MGRN1: variants seen among roughly 807,000 people sequenced by gnomAD.
MGRN1 encodes the protein E3 ubiquitin-protein ligase MGRN1.
In MGRN1, 29 loss-of-function variants were observed where a neutral mutation model predicts 69.2. The observed-to-expected ratio is 0.42, with a 90% CI of 0.31 to 0.57. MGRN1 has a LOEUF of 0.57. MGRN1 is among the 20% of genes least tolerant of loss of function. MGRN1 has a pLI of 0.15. For missense variants in MGRN1, 998 were observed against 796.2 expected, an observed-to-expected ratio of 1.25 and a Z score of -3.05; for synonymous variants, 470 against 344.2, an observed-to-expected ratio of 1.37 and a Z score of -4.04.
At chr16:4,681,300 T>G in intron 12 of MGRN1, 1 of 528,392 alleles carries the variant, frequency 1.9e-6, no homozygotes, top group Non-Finnish European at 3.4e-6. Flanking sequence ...GCTGGGGCGG[T>G]TCTTGGCAGA....
chr16:4,688,242 G>C lies in MGRN1; in HGVS notation c.1619-554G>C, dbSNP rs1217783481. ...CATTGCCCAAGCCCCAGGGACGCCA[G>C]ACCCATCTGGGGACAGCGCCCGGCG... is the stretch of plus-strand genomic sequence containing the variant. On this transcript the variant is annotated intron_variant, in intron 16 of 16. Transcript: ENST00000262370. 3.0e-6 allele frequency: 3 copies of C among 985,758 alleles called. No individual in the cohort carries two copies. The East Asian group carries it at 3.4e-4, about 112-fold the overall frequency. The allele number at this position is 985,758 out of a possible 1,614,324, so 61.1% of individuals were successfully genotyped here.
At chr16:4,640,757 A>G (rs1446781814) in intron 1 of MGRN1, 1 of 152,206 alleles carries the variant, frequency 6.6e-6, no homozygotes, top group East Asian at 1.9e-4. Flanking sequence ...AACAGTGCCC[A>G]TTGTCACTGG....
At chr16:4,642,987 ACT>A (rs1176759444) in intron 1 of MGRN1, among the ~76,000 whole-genome samples, 2 of 149,544 alleles carry the variant, frequency 1.3e-5, no homozygotes, top group Non-Finnish European at 3.0e-5. Flanking sequence ...AGACAGTCCC[ACT>A]CTGTCACCCA....
chr16:4,643,242 G>A (rs1007606296), intron 1 of MGRN1, among the ~76,000 whole-genome samples: 4 of 152,016 alleles, frequency 2.6e-5, no homozygotes, highest in East Asian at 1.9e-4. Flanking sequence ...TTATAGGCAC[G>A]AGCCACTGAG....
chr16:4,680,218 C>T (rs532254759), intron 12 of MGRN1, 121 bp downstream of exon 12: 3 of 990,610 alleles, frequency 3.0e-6, no homozygotes, highest in South Asian at 1.5e-5. Context: ...CCGTCAGCTC[C>T]ACTTGCCCAG....
chr16:4,632,380 C>T (rs1164515153), intron 1 of MGRN1, among the ~76,000 whole-genome samples: 4 of 151,372 alleles, frequency 2.6e-5, no homozygotes, highest in Non-Finnish European at 5.9e-5. Flanking sequence ...ACATCTAGTC[C>T]AGTGGTTTTT....
intron 8 of MGRN1, among the ~76,000 whole-genome samples, chr16:4,668,859 C>G (rs899934707): frequency 2.0e-5 from 3 of 152,054 alleles, no homozygotes; most frequent in Admixed American, 6.6e-5. Flanking sequence ...CACACATAAA[C>G]TCACATGTAT....
rs1022807838 is a variant in MGRN1 at position 4,625,042 on chromosome 16, A to C, written c.82A>C (p.Lys28Gln). Reference protein sequence around the residue: ...QANSAYRYPPKSGNYFASHFF... With the variant: ...QANSAYRYPPQSGNYFASHFF... ...GAACTCGGCCTATCGCTACCCTCCG[A>C]AGTCCGGTGAGCGCCCGGCCCCAGG... Residue 28 changes from lysine to glutamine, a missense_variant, in exon 1 of 17, where the codon AAG becomes CAG. By Grantham distance (53) the Lys-to-Gln change is moderately conservative. Transcript: ENST00000262370. The C allele has an allele frequency of 6.5e-7, 1 of 1,546,680 alleles. No homozygotes were observed. The highest frequency in any genetic ancestry group is 1.4e-5 in the African/African-American group (1 of 70,046).
intron 1 of MGRN1, 143 bp downstream of exon 1, chr16:4,625,191 A>G (rs1825689): frequency 0.77 from 583,202 of 752,934 alleles, 233,424 homozygotes; most frequent in East Asian, 0.91. Flanking sequence ...GCGCGGCCCC[A>G]CGGCCCCGAT....
At chr16:4,625,297 C>T (rs1218644053) in intron 1 of MGRN1, among the ~76,000 whole-genome samples, 1 of 152,224 alleles carries the variant, frequency 6.6e-6, no homozygotes, top group Non-Finnish European at 1.5e-5. Flanking sequence ...GTCCCTTCGC[C>T]CCGGGCACCT....
chr16:4,646,650 C>T (rs997551895), intron 1 of MGRN1, among the ~76,000 whole-genome samples: 1 of 152,204 alleles, frequency 6.6e-6, no homozygotes, highest in African/African-American at 2.4e-5. Flanking sequence ...CATGCAGTCT[C>T]TGTGGTCATC....
chr16:4,654,730 C>T (rs192058030), intron 4 of MGRN1, among the ~76,000 whole-genome samples: 10 of 152,206 alleles, frequency 6.6e-5, no homozygotes, highest in South Asian at 2.1e-4. Context: ...CAGCCCCTCG[C>T]GTGACAGGTG....
chr16:4,661,817 C>G (rs973365938), intron 5 of MGRN1, among the ~76,000 whole-genome samples: 23 of 152,248 alleles, frequency 1.5e-4, no homozygotes, highest in Admixed American at 1.5e-3. Context: ...TGGACTTGGT[C>G]TCCAGGCTTG....
At chr16:4,638,773 C>T (rs759756263) in intron 1 of MGRN1, among the ~76,000 whole-genome samples, 17 of 152,342 alleles carry the variant, frequency 1.1e-4, no homozygotes, top group Admixed American at 3.9e-4. Context: ...GGAGAATTTT[C>T]AGCAGGTGGA....
intron 6 of MGRN1, 109 bp from the exon 7 acceptor site, chr16:4,664,993 C>T: frequency 7.5e-7 from 1 of 1,334,234 alleles, no homozygotes; most frequent in African/African-American, 1.4e-5. Context: ...TCTATGGACT[C>T]TGTGCAGGCT....
At chr16:4,625,287 G>A (rs1027378609) in intron 1 of MGRN1, among the ~76,000 whole-genome samples, 2 of 152,222 alleles carry the variant, frequency 1.3e-5, no homozygotes, top group African/African-American at 4.8e-5. Flanking sequence ...CCTTGGGGCA[G>A]TCCCTTCGCC....
In MGRN1 at chr16:4,668,319, C is replaced by T. The variant is rs572288907; in HGVS notation, c.726+7C>T. 72 of 1,613,738 alleles carry T rather than the reference C, an allele frequency of 4.5e-5. 1 individual carries two copies. In the South Asian group the frequency reaches 7.7e-4, roughly 17 times the overall value. On this transcript the variant is annotated splice_region_variant and intron_variant, in intron 8 of 16. Transcript: ENST00000262370. ...TTTAAAGCAGAAGCAAATTGTAAGTCATCAGAGGAAATATGACGTGCTTGA... is the reference window on the plus strand; with the variant it reads ...TTTAAAGCAGAAGCAAATTGTAAGTTATCAGAGGAAATATGACGTGCTTGA...
At chr16:4,630,266 C>G (rs377054779) in intron 1 of MGRN1, among the ~76,000 whole-genome samples, 2 of 148,424 alleles carry the variant, frequency 1.3e-5, no homozygotes, top group East Asian at 2.1e-4. Context: ...GCAGAAGAAT[C>G]GCTGGAACCC....
At chr16:4,658,114 C>T (rs996039205) in intron 5 of MGRN1, among the ~76,000 whole-genome samples, 3 of 152,006 alleles carry the variant, frequency 2.0e-5, no homozygotes, top group Non-Finnish European at 2.9e-5. Context: ...AGTTGCTCCT[C>T]CTAGGCCCCT....
Sources: allele counts gnomAD v4.1 joint callset (sites outside exome capture counted in the v4.1 genomes callset), GRCh38; gene constraint gnomAD v4.1.1; transcripts MANE v1.5; gene names NCBI Gene and HGNC (gene_info 2026-07-23, HGNC 2026-07-21).